Variants in APP observed in about 807,000 individuals in gnomAD.
APP encodes the protein amyloid-beta precursor protein.
APP carries 31 observed loss-of-function variants against 101.4 expected under a neutral mutation model. The observed-to-expected ratio is 0.31, with a 90% confidence interval of 0.23 to 0.41. The LOEUF is 0.41. Among genes scored for constraint, APP ranks in the 10% least tolerant of loss-of-function variants. The probability of loss-of-function intolerance (pLI) is 1.00; values close to 1 mark genes in which losing one functional copy is unlikely to be tolerated. For synonymous variants in APP, 366 were observed against 364.4 expected, an observed-to-expected ratio of 1.00 and a Z score of -0.05; for missense variants, 839 against 1,003.7, an observed-to-expected ratio of 0.84 and a Z score of 2.22.
Position 26,028,847 on chromosome 21 carries a change from T to C in APP, c.663-6805A>G, listed in dbSNP as rs189049571. On this transcript the variant is annotated intron_variant, in intron 5 of 17. Transcript: ENST00000346798. ...GTAATATGAGCAAGAAAAAAAATTA[T>C]GGAAAAGTACTATAGGGAAAGGAGA... Among the ~76,000 whole-genome samples the C allele has an allele frequency of 4.3e-4, 66 of 152,170 alleles. 1 individual carries two copies. The East Asian group carries it at 9.1e-3, about 21-fold the overall frequency.
intron 2 of APP, among the ~76,000 whole-genome samples, chr21:26,098,606 G>A (rs915456953): frequency 6.6e-6 from 1 of 151,972 alleles, no homozygotes; most frequent in Non-Finnish European, 1.5e-5. Context: ...AATGACCAAA[G>A]GTATTTCAAA....
chr21:26,111,480 GTA>G (rs2062321854), intron 2 of APP, among the ~76,000 whole-genome samples: 1 of 152,088 alleles, frequency 6.6e-6, no homozygotes, highest in Non-Finnish European at 1.5e-5. Flanking sequence ...GCTCATACCC[GTA>G]ATCTCAGCAC....
intron 1 of APP, among the ~76,000 whole-genome samples, chr21:26,152,806 G>A (rs1205962289): frequency 6.6e-6 from 1 of 152,126 alleles, no homozygotes; most frequent in Non-Finnish European, 1.5e-5. Flanking sequence ...CTACCCGGAG[G>A]AAAAGAAGTC....
At chr21:26,145,365 TCATCAGAC>T (rs1229935413) in intron 1 of APP, among the ~76,000 whole-genome samples, 1 of 152,174 alleles carries the variant, frequency 6.6e-6, no homozygotes, top group Non-Finnish European at 1.5e-5. Context: ...CCACCTCAGA[TCATCAGAC>T]ATTAGTTAGA....
chr21:26,107,766 C>G (rs2062217423), intron 2 of APP, among the ~76,000 whole-genome samples: 1 of 152,138 alleles, frequency 6.6e-6, no homozygotes, highest in African/African-American at 2.4e-5. Flanking sequence ...GTATTAGTGT[C>G]ACTGTCACCA....
chr21:26,033,645 G>C (rs1411250748), intron 5 of APP, among the ~76,000 whole-genome samples: 1 of 152,194 alleles, frequency 6.6e-6, no homozygotes, highest in Non-Finnish European at 1.5e-5. Context: ...TAGATGCAGA[G>C]CCTAGTAGAA....
At chr21:25,961,841 T>A (rs761226438) in intron 11 of APP, among the ~76,000 whole-genome samples, 7 of 152,058 alleles carry the variant, frequency 4.6e-5, no homozygotes, top group Non-Finnish European at 1.0e-4. Flanking sequence ...ATTCATATGA[T>A]CAGAAAAACA....
At chr21:25,899,051 A>G (rs142995107) in intron 15 of APP, among the ~76,000 whole-genome samples, 217 of 152,300 alleles carry the variant, frequency 1.4e-3, no homozygotes, top group Middle Eastern at 0.01. Flanking sequence ...TCCTCATCCA[A>G]TTGTTCAAAA....
rs114265605 is a variant in APP at position 26,011,192 on chromosome 21, C to T, written c.865+10648G>A. On this transcript the variant is annotated intron_variant, in intron 6 of 17. Transcript: ENST00000346798. Reference sequence around the variant, plus strand: ...CCAGGTTCAAGTGATTTCTTTGCCTCAGCCTCCCAAGTAGCTGGGATTATA... The same window carrying T: ...CCAGGTTCAAGTGATTTCTTTGCCTTAGCCTCCCAAGTAGCTGGGATTATA... 3.4e-3 allele frequency among the ~76,000 whole-genome samples: 523 copies of T among 152,228 alleles called. 4 individuals are homozygous for T. Among genetic ancestry groups the T allele is most frequent in the African/African-American group, 0.011 (477 of 41,560 alleles).
In APP at chr21:25,946,796, C is replaced by T. The variant is rs184040160; in HGVS notation, c.1687+7794G>A. On this transcript the variant is annotated intron_variant, in intron 13 of 17. Coordinates refer to ENST00000346798, the MANE Select transcript of APP (RefSeq NM_000484.4). ...ACTGAACAAAATAATCCATAACAAA[C>T]CATTGCAATCGCATGAAGAAAACAC... 2.6e-3 allele frequency among the ~76,000 whole-genome samples: 389 copies of T among 152,252 alleles called. 3 individuals are homozygous for T. Among genetic ancestry groups the T allele is most frequent in the African/African-American group, 8.9e-3 (370 of 41,534 alleles).
At chr21:25,960,120 G>GT (rs11443260) in intron 11 of APP, among the ~76,000 whole-genome samples, 152,243 of 152,244 alleles carry the variant, frequency 1, 76,121 homozygotes, top group Non-Finnish European at 1. Flanking sequence ...AAATTACAAA[G>GT]TTTCCAGAAC....
At chr21:26,168,960 C>G (rs2063677733) in intron 1 of APP, among the ~76,000 whole-genome samples, 1 of 152,054 alleles carries the variant, frequency 6.6e-6, no homozygotes, top group African/African-American at 2.4e-5. Flanking sequence ...AACATCTGCC[C>G]GGAAATTGCT....
At chr21:25,983,084 T>C (rs557609422) in intron 8 of APP, among the ~76,000 whole-genome samples, 3 of 152,234 alleles carry the variant, frequency 2.0e-5, no homozygotes, top group Non-Finnish European at 2.9e-5. Context: ...AATTTGACAA[T>C]AGTCAATGAA....
At chr21:25,887,540 A>AAAAAAAAAAAAC (rs367900945) in intron 17 of APP, among the ~76,000 whole-genome samples, 1 of 139,272 alleles carries the variant, frequency 7.2e-6, no homozygotes. Context: ...AAAAAAAAAA[A>AAAAAAAAAAAAC]CAACAACTAG....
intron 8 of APP, among the ~76,000 whole-genome samples, chr21:25,986,062 T>A (rs1263558477): frequency 6.6e-6 from 1 of 152,186 alleles, no homozygotes; most frequent in Non-Finnish European, 1.5e-5. Flanking sequence ...TATCCTTATA[T>A]CCTAAAGAGA....
intron 1 of APP, among the ~76,000 whole-genome samples, chr21:26,162,622 A>G (rs1421373341): frequency 2.0e-5 from 3 of 151,950 alleles, no homozygotes; most frequent in African/African-American, 7.3e-5. Context: ...TTCCTGTAAA[A>G]TATCTCCAGG....
intron 3 of APP, among the ~76,000 whole-genome samples, chr21:26,078,584 C>T (rs1404832780): frequency 1.3e-5 from 2 of 152,148 alleles, no homozygotes; most frequent in African/African-American, 4.8e-5. Context: ...CTGTCTGTAC[C>T]ACTCTAAACA....
chr21:26,130,503 C>T (rs1418666167), intron 1 of APP, among the ~76,000 whole-genome samples: 1 of 152,214 alleles, frequency 6.6e-6, no homozygotes, highest in Non-Finnish European at 1.5e-5. Context: ...AGCTGAGGAG[C>T]ACAGCAACTC....
At chr21:25,933,163 A>T (rs2040219248) in intron 13 of APP, among the ~76,000 whole-genome samples, 1 of 152,160 alleles carries the variant, frequency 6.6e-6, no homozygotes, top group African/African-American at 2.4e-5. Context: ...CAGTGATGTG[A>T]TCATAGCTCA....
Sources: gnomAD v4.1 joint callset for allele counts (sites outside exome capture counted in the v4.1 genomes callset) on GRCh38, gnomAD v4.1.1 for gene constraint, MANE v1.5 for transcripts, NCBI Gene and HGNC (gene_info 2026-07-23, HGNC 2026-07-21) for gene names.